Variants in EGFLAM observed in about 807,000 individuals in gnomAD.
The protein encoded by EGFLAM is EGF like, fibronectin type III and laminin G domains.
A neutral mutation model predicts 113.1 loss-of-function variants in EGFLAM; 79 were observed. The observed-to-expected ratio is 0.70, with a 90% CI of 0.58 to 0.84. The LOEUF is 0.84. Ranked by LOEUF, EGFLAM falls within the 40% of genes least tolerant of loss-of-function variation. The pLI is 0.00. For missense variants in EGFLAM, 1,265 were observed against 1,291.6 expected, an observed-to-expected ratio of 0.98 and a Z score of 0.32; for synonymous variants, 504 against 487.6, an observed-to-expected ratio of 1.03 and a Z score of -0.44.
chr5:38,392,887 A>C (rs540466179), intron 6 of EGFLAM, among the ~76,000 whole-genome samples: 47 of 151,896 alleles, frequency 3.1e-4, no homozygotes, highest in Admixed American at 5.2e-4. Flanking sequence ...CCTGTGTCCA[A>C]GTGTTCTCAT....
intron 13 of EGFLAM, among the ~76,000 whole-genome samples, chr5:38,426,291 A>G (rs1230505438): frequency 1.3e-5 from 2 of 152,178 alleles, no homozygotes; most frequent in Non-Finnish European, 2.9e-5. Context: ...GCACACAAAT[A>G]CACATATGTG....
At chr5:38,394,733 A>ATTTTTT (rs1740912548) in intron 6 of EGFLAM, among the ~76,000 whole-genome samples, 2 of 82,674 alleles carry the variant, frequency 2.4e-5, no homozygotes, top group African/African-American at 1.3e-4. Context: ...TTTTTTTTTA[A>ATTTTTT]CTCTAATGCT....
chr5:38,318,168 G>A (rs535844223), intron 1 of EGFLAM, among the ~76,000 whole-genome samples: 2 of 152,082 alleles, frequency 1.3e-5, no homozygotes, highest in East Asian at 3.9e-4. Flanking sequence ...ATGAAAGAAA[G>A]AGGACCCTCA....
chr5:38,387,537 C>T (rs559847181), intron 6 of EGFLAM, among the ~76,000 whole-genome samples: 2 of 152,348 alleles, frequency 1.3e-5, no homozygotes, highest in Admixed American at 6.5e-5. Flanking sequence ...CATTGGAAAG[C>T]AACCCGTGGT....
Position 38,407,904 on chromosome 5 carries a change from G to T in EGFLAM, c.1247G>T (p.Arg416Met). ...YQAFQITLEF[R>M]AEAEDGLLLY... is the part of the protein sequence containing the mutation. ...GCATTTCAAATTACTCTTGAATTTA[G>T]GGTAAGAGGGATGTGTTGTTTGATG... The change falls in exon 9 of 22, where the codon AGG (arginine) becomes ATG (methionine). Residue 416 changes from arginine to methionine, a missense_variant and splice_region_variant. Arg to Met is a moderately conservative substitution (Grantham distance 91). Transcript: ENST00000322350. 6.2e-7 allele frequency: 1 copy of T among 1,603,326 alleles called. No individual in the cohort carries two copies. Among genetic ancestry groups the T allele is most frequent in the South Asian group, 1.1e-5 (1 of 90,742 alleles).
At chr5:38,294,179 C>T (rs776874890) in intron 1 of EGFLAM, among the ~76,000 whole-genome samples, 5 of 152,136 alleles carry the variant, frequency 3.3e-5, no homozygotes, top group Admixed American at 1.3e-4. Flanking sequence ...GGTTAAACTC[C>T]GGTCTATTCC....
chr5:38,311,306 C>T (rs1738439335), intron 1 of EGFLAM, among the ~76,000 whole-genome samples: 1 of 152,056 alleles, frequency 6.6e-6, no homozygotes, highest in African/African-American at 2.4e-5. Flanking sequence ...GAACTTACTC[C>T]TCTTGTCTAA....
intron 17 of EGFLAM, among the ~76,000 whole-genome samples, chr5:38,447,774 AAG>A (rs1378952706): frequency 1.3e-4 from 20 of 151,976 alleles, no homozygotes; most frequent in African/African-American, 4.6e-4. Context: ...AAAAAAAAAA[AAG>A]ATCTTGTGAA....
chr5:38,350,350 T>C, intron 3 of EGFLAM, 151 bp from the exon 4 acceptor site: 1 of 716,132 alleles, frequency 1.4e-6, no homozygotes, highest in Non-Finnish European at 2.3e-6. Flanking sequence ...CTTGGCAAAG[T>C]TTAAAACTGG....
chr5:38,438,561 C>A, intron 17 of EGFLAM, 106 bp downstream of exon 17: 1 of 1,104,288 alleles, frequency 9.1e-7, no homozygotes, highest in Non-Finnish European at 1.2e-6. Flanking sequence ...AGTGGTACAA[C>A]CATAGTGGTT....
intron 1 of EGFLAM, among the ~76,000 whole-genome samples, chr5:38,284,349 T>G (rs1261218274): frequency 6.6e-6 from 1 of 152,204 alleles, no homozygotes; most frequent in Non-Finnish European, 1.5e-5. Flanking sequence ...ACAATACATA[T>G]TTTGTTCACT....
At chr5:38,388,599 T>C (rs1045192335) in intron 6 of EGFLAM, among the ~76,000 whole-genome samples, 1 of 147,814 alleles carries the variant, frequency 6.8e-6, no homozygotes, top group East Asian at 1.9e-4. Context: ...TATATATATA[T>C]GTATATATAA....
chr5:38,366,032 G>A (rs1740050112), intron 5 of EGFLAM, among the ~76,000 whole-genome samples: 1 of 152,094 alleles, frequency 6.6e-6, no homozygotes, highest in South Asian at 2.1e-4. Flanking sequence ...AAACCACTGG[G>A]CCTCTTAGTC....
At chr5:38,414,553 G>C (rs1741582359) in intron 11 of EGFLAM, among the ~76,000 whole-genome samples, 1 of 152,160 alleles carries the variant, frequency 6.6e-6, no homozygotes, top group African/African-American at 2.4e-5. Context: ...GTGACTATGT[G>C]ATAGCTTCTA....
chr5:38,352,100 C>T (rs532788658), intron 4 of EGFLAM, 96 bp from the exon 5 acceptor site: 29 of 1,550,074 alleles, frequency 1.9e-5, no homozygotes, highest in African/African-American at 2.7e-5. Flanking sequence ...TTATATTAAA[C>T]GTCTCCAATG....
intron 6 of EGFLAM, among the ~76,000 whole-genome samples, chr5:38,402,305 T>C (rs1741141218): frequency 1.3e-5 from 2 of 152,216 alleles, no homozygotes; most frequent in African/African-American, 4.8e-5. Context: ...AGACCAAGGA[T>C]AAAATCTAGC....
At chr5:38,371,793 G>A (rs1202138676) in intron 6 of EGFLAM, among the ~76,000 whole-genome samples, 1 of 152,210 alleles carries the variant, frequency 6.6e-6, no homozygotes, top group Non-Finnish European at 1.5e-5. Context: ...AAATGTTGAT[G>A]ATTCGATTTA....
chr5:38,370,479 T>A lies in EGFLAM; in HGVS notation c.712+17T>A. 6.2e-7 allele frequency: 1 copy of A among 1,610,360 alleles called. No homozygotes were observed. Among genetic ancestry groups the A allele is most frequent in the Non-Finnish European group, 8.5e-7 (1 of 1,177,610 alleles). On this transcript the variant is annotated intron_variant, in intron 6 of 21. Coordinates refer to ENST00000322350, the MANE Select transcript of EGFLAM (RefSeq NM_152403.4). ...GGACCCTCTGTGAGTACCAGGGTCC[T>A]TCTGAGGGACCAAGGGAGCTGCATA...
At chr5:38,433,113 C>T (rs1254988181) in intron 15 of EGFLAM, among the ~76,000 whole-genome samples, 2 of 152,236 alleles carry the variant, frequency 1.3e-5, no homozygotes, top group African/African-American at 4.8e-5. Flanking sequence ...ACAAGGAATT[C>T]TGCTCCCCAG....
Sources: gnomAD v4.1 joint callset for allele counts (sites outside exome capture counted in the v4.1 genomes callset) on GRCh38, gnomAD v4.1.1 for gene constraint, MANE v1.5 for transcripts, NCBI Gene and HGNC (gene_info 2026-07-23, HGNC 2026-07-21) for gene names.